BARD1: variants seen among roughly 807,000 people sequenced by gnomAD.
BARD1 encodes the protein BRCA1 associated RING domain 1, also known as BRCA1-associated RING domain protein 1.
Under a neutral mutation model 77.0 loss-of-function variants are expected in BARD1, and 73 were observed. The ratio of observed to expected loss-of-function variants is 0.95; its 90% confidence interval spans 0.79 to 1.15. The LOEUF is 1.15. Among genes scored for constraint, BARD1 ranks in the 50% most tolerant of loss-of-function variants. The pLI, the probability that BARD1 is intolerant of heterozygous loss-of-function variation, is 0.00. For synonymous variants in BARD1, 384 were observed against 338.0 expected (o/e 1.14, Z -1.49); for missense variants, 993 against 938.8 (o/e 1.06, Z -0.75).
At chr2:214,747,199 G>A (rs1263119493) in intron 7 of BARD1, among the ~76,000 whole-genome samples, 2 of 151,992 alleles carry the variant, frequency 1.3e-5, no homozygotes, top group African/African-American at 4.8e-5. Flanking sequence ...TAAAAAGTCA[G>A]GAAACAACAG....
rs7585121 is a variant in BARD1 at position 214,727,566 on chromosome 2, C to G, written c.*1110G>C. 232,628 of 232,658 alleles carry G rather than the reference C, an allele frequency of 1. 116,299 individuals carry two copies. The highest frequency in any genetic ancestry group is 1 in the Non-Finnish European group (117,650 of 117,650). The allele number at this position is 232,658 out of a possible 1,614,324, so 14.4% of individuals were successfully genotyped here. ...CACCCAGAGCAGAGTAACCTCCCCA[C>G]ATCTGGCCACTCTCAGGTGGTATCC... is the stretch of plus-strand genomic sequence containing the variant. On this transcript the variant is annotated 3_prime_UTR_variant, in exon 11 of 11. Transcript: ENST00000260947.
At chr2:214,734,437 G>T (rs188594860) in intron 9 of BARD1, among the ~76,000 whole-genome samples, 21 of 152,140 alleles carry the variant, frequency 1.4e-4, no homozygotes, top group Admixed American at 1.2e-3. Context: ...TTGTATATAA[G>T]TTTATTTTAC....
intron 9 of BARD1, among the ~76,000 whole-genome samples, chr2:214,735,843 G>A (rs2106000011): frequency 6.6e-6 from 1 of 152,234 alleles, no homozygotes; most frequent in Middle Eastern, 3.4e-3. Flanking sequence ...GCAGAGGTTT[G>A]TCAAGACGCT....
intron 1 of BARD1, among the ~76,000 whole-genome samples, chr2:214,801,754 T>C (rs1696029879): frequency 6.7e-6 from 1 of 149,498 alleles, no homozygotes; most frequent in Non-Finnish European, 1.5e-5. Context: ...ACCAAATTAA[T>C]ATGACTTAAA....
In BARD1 at chr2:214,780,590, T is replaced by A. The variant is rs1694938571; in HGVS notation, c.1284A>T (p.Gly428=). ...PNMAVKRNHR[G]ETLLHIASIK... ...TAGAAGCAATATGGAGCAAAGTCTC[T>A]CCTCTATGATTTCTTTTCACAGCCA... The change falls in exon 4 of 11, where the codon GGA becomes GGT. Residue 428 remains glycine (G), a synonymous_variant. Coordinates refer to ENST00000260947, the MANE Select transcript of BARD1 (RefSeq NM_000465.4). 1 of 1,613,888 alleles carries A rather than the reference T, an allele frequency of 6.2e-7. No individual in the cohort carries two copies. Among genetic ancestry groups the A allele is most frequent in the Admixed American group, 1.7e-5 (1 of 59,984 alleles).
intron 6 of BARD1, among the ~76,000 whole-genome samples, chr2:214,752,881 C>A (rs748161440): frequency 5.9e-5 from 9 of 152,058 alleles, no homozygotes; most frequent in Admixed American, 3.3e-4. Flanking sequence ...CAATAAAAAT[C>A]ATTTACTATA....
intron 1 of BARD1, among the ~76,000 whole-genome samples, chr2:214,806,238 T>C (rs748252823): frequency 3.3e-5 from 5 of 152,176 alleles, no homozygotes; most frequent in East Asian, 1.9e-4. Context: ...AACAGATCCA[T>C]GTGCAACACA....
At chr2:214,802,976 T>G (rs1696093415) in intron 1 of BARD1, among the ~76,000 whole-genome samples, 1 of 152,194 alleles carries the variant, frequency 6.6e-6, no homozygotes, top group African/African-American at 2.4e-5. Context: ...TATTCTGTAC[T>G]AAGAAAAATT....
chr2:214,729,201 G>A (rs557138715), intron 10 of BARD1, among the ~76,000 whole-genome samples, 193 bp from the exon 11 acceptor site: 3 of 152,272 alleles, frequency 2.0e-5, no homozygotes, highest in African/African-American at 7.2e-5. Context: ...TTAAGGATGA[G>A]GCTCAAGCCT....
At chr2:214,762,675 A>G (rs1694017109) in intron 6 of BARD1, among the ~76,000 whole-genome samples, 1 of 152,198 alleles carries the variant, frequency 6.6e-6, no homozygotes, top group South Asian at 2.1e-4. Context: ...CACGACATAA[A>G]GTTTATCAAT....
chr2:214,776,962 C>G (rs749557064), intron 4 of BARD1, among the ~76,000 whole-genome samples: 84 of 152,114 alleles, frequency 5.5e-4, no homozygotes, highest in Non-Finnish European at 1.1e-3. Flanking sequence ...TCTCTAGAAC[C>G]TGGAAACAAC....
At chr2:214,733,879 C>T (rs1050068333) in intron 9 of BARD1, among the ~76,000 whole-genome samples, 5 of 152,052 alleles carry the variant, frequency 3.3e-5, no homozygotes, top group African/African-American at 4.8e-5. Flanking sequence ...CTTCACATTA[C>T]GTAAACTTCT....
rs370791394 is a variant in BARD1, at chr2:214,728,603, T to C, written c.*73A>G. ...CTACCTATTTGTAAAAATGTGAACA[T>C]TAAAAACAGTACAATGACTGGGCTC... is the stretch of plus-strand genomic sequence containing the variant. On this transcript the variant is annotated 3_prime_UTR_variant, in exon 11 of 11. Coordinates refer to ENST00000260947, the MANE Select transcript of BARD1 (RefSeq NM_000465.4). The C allele has an allele frequency of 3.4e-5, 48 of 1,431,740 alleles. No homozygotes were observed. The highest frequency in any genetic ancestry group is 4.1e-5 in the Non-Finnish European group (42 of 1,032,234). The allele number at this position is 1,431,740 out of a possible 1,614,324, so 88.7% of individuals were successfully genotyped here.
chr2:214,809,390 C>A (rs768570863), intron 1 of BARD1, 22 bp downstream of exon 1: 1 of 1,612,108 alleles, frequency 6.2e-7, no homozygotes, highest in East Asian at 2.2e-5. Context: ...TCGCAGCCAC[C>A]CCCAAGAAGC....
chr2:214,807,510 C>A (rs952612793), intron 1 of BARD1, among the ~76,000 whole-genome samples: 4 of 152,176 alleles, frequency 2.6e-5, no homozygotes, highest in African/African-American at 9.7e-5. Context: ...ATCATTTATT[C>A]TATCACAACC....
At chr2:214,796,262 A>C (rs541449553) in intron 2 of BARD1, among the ~76,000 whole-genome samples, 4 of 152,310 alleles carry the variant, frequency 2.6e-5, no homozygotes, top group Non-Finnish European at 2.9e-5. Context: ...ATAATTTCAC[A>C]ATAACTGTTA....
At chr2:214,748,390 AT>A (rs1693243991) in intron 7 of BARD1, among the ~76,000 whole-genome samples, 2 of 152,158 alleles carry the variant, frequency 1.3e-5, no homozygotes, top group South Asian at 4.1e-4. Context: ...CAAAGGTTTA[AT>A]ACCCTGATTT....
intron 3 of BARD1, among the ~76,000 whole-genome samples, chr2:214,783,658 A>G (rs986900612): frequency 6.6e-6 from 1 of 151,992 alleles, no homozygotes; most frequent in Non-Finnish European, 1.5e-5. Flanking sequence ...GCGGCAAACC[A>G]TTGTGACATA....
At chr2:214,801,988 A>G (rs1254923107) in intron 1 of BARD1, among the ~76,000 whole-genome samples, 1 of 152,040 alleles carries the variant, frequency 6.6e-6, no homozygotes. Context: ...CCTCCCACAT[A>G]GCTGAGACTA....
Sources: gnomAD v4.1 joint callset for allele counts (sites outside exome capture counted in the v4.1 genomes callset) on GRCh38, gnomAD v4.1.1 for gene constraint, MANE v1.5 for transcripts, NCBI Gene and HGNC (gene_info 2026-07-23, HGNC 2026-07-21) for gene names.